The following RBFOX1 variants were observed in gnomAD, a reference collection of about 807,000 sequenced individuals.
RBFOX1 encodes the protein RNA binding protein fox-1 homolog 1.
A neutral mutation model predicts 57.7 loss-of-function variants in RBFOX1; 8 were observed. The observed-to-expected ratio is 0.14, with a 90% CI of 0.08 to 0.25. The LOEUF (loss-of-function observed/expected upper bound fraction) is 0.25, where lower values mean the gene tolerates loss of function less well. RBFOX1 is among the 10% of genes least tolerant of loss of function. RBFOX1 has a pLI of 1.00. For missense variants in RBFOX1, 611 were observed against 548.5 expected (o/e 1.11, Z -1.14); for synonymous variants, 326 against 222.4 (o/e 1.47, Z -4.15).
chr16:7,502,326 G>A (rs1316733233), intron 4 of RBFOX1, among the ~76,000 whole-genome samples: 6 of 152,200 alleles, frequency 3.9e-5, no homozygotes, highest in African/African-American at 9.6e-5. Context: ...CTGCCCTTAA[G>A]GAGCTTACAA....
chr16:6,656,234 C>A (rs1371192737), intron 3 of RBFOX1, among the ~76,000 whole-genome samples: 5 of 152,178 alleles, frequency 3.3e-5, no homozygotes, highest in Admixed American at 3.3e-4. Context: ...TGTTCCCCAA[C>A]CTGCTTCCAA....
At chr16:6,728,144 C>G (rs1488280241) in intron 3 of RBFOX1, among the ~76,000 whole-genome samples, 1 of 152,154 alleles carries the variant, frequency 6.6e-6, no homozygotes, top group Non-Finnish European at 1.5e-5. Flanking sequence ...CTTTTGTTTT[C>G]ATATCCATTC....
At chr16:6,915,917 G>A (rs1345554250) in intron 3 of RBFOX1, among the ~76,000 whole-genome samples, 1 of 152,124 alleles carries the variant, frequency 6.6e-6, no homozygotes, top group Non-Finnish European at 1.5e-5. Context: ...GGCCGTATTT[G>A]CAAAGTGGTC....
At chr16:6,001,748 G>A (rs1471140580) in intron 4 of RBFOX1, among the ~76,000 whole-genome samples, 1 of 152,056 alleles carries the variant, frequency 6.6e-6, no homozygotes, top group Non-Finnish European at 1.5e-5. Context: ...AACTCTATAA[G>A]AGTGCAGCTG....
At chr16:5,796,229 G>A (rs569805739) in intron 3 of RBFOX1, among the ~76,000 whole-genome samples, 1 of 152,228 alleles carries the variant, frequency 6.6e-6, no homozygotes, top group African/African-American at 2.4e-5. Context: ...GAAATGCACA[G>A]ATCTGGATCT....
chr16:6,055,673 C>T (rs558435743), intron 1 of RBFOX1, among the ~76,000 whole-genome samples: 6 of 149,032 alleles, frequency 4.0e-5, no homozygotes, highest in Non-Finnish European at 7.4e-5. Context: ...GTCTGAGAAG[C>T]GAGACAAAAA....
intron 4 of RBFOX1, among the ~76,000 whole-genome samples, chr16:7,133,277 A>T (rs2071019851): frequency 6.6e-6 from 1 of 152,228 alleles, no homozygotes; most frequent in Admixed American, 6.5e-5. Flanking sequence ...ATTGTTTTGT[A>T]TATAAGCCAT....
intron 3 of RBFOX1, among the ~76,000 whole-genome samples, chr16:5,785,553 G>T (rs1380336603): frequency 1.3e-5 from 2 of 151,488 alleles, no homozygotes; most frequent in Non-Finnish European, 2.9e-5. Context: ...TTGAGGCGGA[G>T]TTTCACTCTT....
rs1170051114 is a variant in RBFOX1, at chr16:7,557,619, CAAAAAAAAAAA to C, written c.271-22145_271-22135del. 5.9e-4 allele frequency among the ~76,000 whole-genome samples: 24 copies of C among 40,770 alleles called. No homozygotes were observed. In the South Asian group the frequency reaches 0.017, roughly 29 times the overall value. 26.7% of individuals were successfully genotyped at this position (40,770 alleles called of 152,430 possible). A position where few individuals can be genotyped will look rare whatever the true frequency, so the allele number is the denominator to read the frequency against. On this transcript the variant is annotated intron_variant, in intron 5 of 15. Transcript: ENST00000550418. The stretch of plus-strand genomic sequence containing the variant: ...TGGGAGACAAAGTTAGACTCTGTCT[CAAAAAAAAAAA>C]AAAAAAAAAAAAGAAAAAGAAAAAA...
At chr16:7,248,520 A>T (rs969266499) in intron 4 of RBFOX1, among the ~76,000 whole-genome samples, 1 of 152,206 alleles carries the variant, frequency 6.6e-6, no homozygotes, top group African/African-American at 2.4e-5. Context: ...GGGTAGCATT[A>T]CTTAATTTCA....
At chr16:5,409,679 GGA>G (rs369569311) in intron 1 of RBFOX1, among the ~76,000 whole-genome samples, 2 of 151,980 alleles carry the variant, frequency 1.3e-5, no homozygotes, top group African/African-American at 2.4e-5. Flanking sequence ...TCCAGCCAGA[GGA>G]GAGAGAGAGA....
chr16:7,504,624 TTCAAGACTTTATGTTTCCTTA>T (rs894983917), intron 4 of RBFOX1, among the ~76,000 whole-genome samples: 5 of 145,924 alleles, frequency 3.4e-5, no homozygotes, highest in African/African-American at 1.3e-4. Context: ...ACTTATTCAC[TTCAAGACTTTATGTTTCCTTA>T]TCTGTGAAGT....
At chr16:5,753,972 C>G (rs1326506480) in intron 3 of RBFOX1, among the ~76,000 whole-genome samples, 5 of 152,154 alleles carry the variant, frequency 3.3e-5, no homozygotes, top group African/African-American at 9.7e-5. Context: ...TCTAGCCTCT[C>G]CACGTAGCCT....
intron 3 of RBFOX1, among the ~76,000 whole-genome samples, chr16:5,609,908 A>G (rs1030013595): frequency 4.6e-5 from 7 of 152,218 alleles, no homozygotes. Context: ...CGACATCAGC[A>G]TAATTTGTAC....
intron 4 of RBFOX1, among the ~76,000 whole-genome samples, chr16:7,256,486 G>C (rs2094689758): frequency 6.6e-6 from 1 of 152,140 alleles, no homozygotes; most frequent in African/African-American, 2.4e-5. Context: ...AGCCTTTTTA[G>C]ACCTTTTTTC....
At chr16:7,052,251 T>C (rs1042881515) in intron 4 of RBFOX1, among the ~76,000 whole-genome samples, 153 bp downstream of exon 4, 2 of 152,236 alleles carry the variant, frequency 1.3e-5, no homozygotes, top group Non-Finnish European at 2.9e-5. Flanking sequence ...TATTTAGTAT[T>C]GATTGAGCTG....
At chr16:5,787,736 G>T (rs2054553531) in intron 3 of RBFOX1, among the ~76,000 whole-genome samples, 1 of 152,166 alleles carries the variant, frequency 6.6e-6, no homozygotes, top group Admixed American at 6.5e-5. Context: ...CAGCCAAGGG[G>T]GTCAAGAAGT....
intron 4 of RBFOX1, among the ~76,000 whole-genome samples, chr16:7,282,898 A>G (rs35613676): frequency 0.14 from 21,958 of 152,206 alleles, 2,128 homozygotes; most frequent in Non-Finnish European, 0.2. Context: ...AGGTTGCTGC[A>G]ACTGCGATTA....
At chr16:6,979,288 C>A (rs556468582) in intron 3 of RBFOX1, among the ~76,000 whole-genome samples, 43 of 152,262 alleles carry the variant, frequency 2.8e-4, no homozygotes, top group African/African-American at 9.4e-4. Context: ...CTATGGGGTC[C>A]TGTCTGATTA....
Sources: allele counts gnomAD v4.1 joint callset (sites outside exome capture counted in the v4.1 genomes callset), GRCh38; gene constraint gnomAD v4.1.1; transcripts MANE v1.5; gene names NCBI Gene and HGNC (gene_info 2026-07-23, HGNC 2026-07-21).